CSMD1: variants seen among roughly 807,000 people sequenced by gnomAD.
The protein encoded by CSMD1 is CUB and sushi domain-containing protein 1.
Under a neutral mutation model 417.5 loss-of-function variants are expected in CSMD1, and 213 were observed. That is an observed-to-expected ratio of 0.51 (90% CI 0.46 to 0.57). The LOEUF is 0.57. CSMD1 is among the 20% of genes least tolerant of loss of function. CSMD1 has a pLI of 0.00. For synonymous variants in CSMD1, 2,862 were observed against 1,736.8 expected (o/e 1.65, Z -16.11); for missense variants, 6,923 against 4,529.7 (o/e 1.53, Z -15.17).
At chr8:3,261,318 A>G (rs7838785) in intron 26 of CSMD1, among the ~76,000 whole-genome samples, 118,497 of 152,050 alleles carry the variant, frequency 0.78, 46,752 homozygotes, top group Non-Finnish European at 0.84. Flanking sequence ...AGTTAAAAGC[A>G]AAACATTCAA....
At chr8:4,714,657 A>G (rs1235892292) in intron 1 of CSMD1, among the ~76,000 whole-genome samples, 1 of 152,122 alleles carries the variant, frequency 6.6e-6, no homozygotes, top group Non-Finnish European at 1.5e-5. Flanking sequence ...AGAAAGACAT[A>G]CTTGTCTTTA....
intron 11 of CSMD1, among the ~76,000 whole-genome samples, chr8:3,473,475 G>C (rs774085478): frequency 6.6e-6 from 1 of 151,980 alleles, no homozygotes; most frequent in Non-Finnish European, 1.5e-5. Context: ...TAAAACAAAA[G>C]AACTTTTGTT....
At chr8:3,814,826 T>C (rs1280761003) in intron 5 of CSMD1, among the ~76,000 whole-genome samples, 1 of 152,184 alleles carries the variant, frequency 6.6e-6, no homozygotes, top group Admixed American at 6.5e-5. Flanking sequence ...CCAACTCCAG[T>C]ACCATGAAGA....
At chr8:3,786,179 G>C (rs1039962899) in intron 5 of CSMD1, among the ~76,000 whole-genome samples, 1 of 152,146 alleles carries the variant, frequency 6.6e-6, no homozygotes, top group Non-Finnish European at 1.5e-5. Flanking sequence ...GGGCCAGATT[G>C]GGACATGAGA....
Position 3,779,284 on chromosome 8 carries a change from G to C in CSMD1, c.819-25242C>G, listed in dbSNP as rs1799053051. 2.0e-5 allele frequency among the ~76,000 whole-genome samples: 3 copies of C among 151,936 alleles called. No individual in the cohort carries two copies. In the South Asian group the frequency reaches 6.2e-4, roughly 31 times the overall value. On this transcript the variant is annotated intron_variant, in intron 5 of 69. Coordinates refer to ENST00000635120, the MANE Select transcript of CSMD1 (RefSeq NM_033225.6). Reference sequence around the variant, plus strand: ...ATTATCTGTTTGCTTGAGCTTTTATGAAACTAGGCTTGAACTTTTCTATTG... The same window carrying C: ...ATTATCTGTTTGCTTGAGCTTTTATCAAACTAGGCTTGAACTTTTCTATTG...
At chr8:3,878,735 AG>A (rs1483466050) in intron 5 of CSMD1, among the ~76,000 whole-genome samples, 2 of 152,160 alleles carry the variant, frequency 1.3e-5, no homozygotes, top group African/African-American at 4.8e-5. Context: ...GGGAAATATT[AG>A]ACCCTTGTAC....
At chr8:4,528,169 T>A (rs1353065112) in intron 2 of CSMD1, among the ~76,000 whole-genome samples, 1 of 152,230 alleles carries the variant, frequency 6.6e-6, no homozygotes, top group Non-Finnish European at 1.5e-5. Flanking sequence ...GTCCTTGTTT[T>A]TGACCTGTAT....
intron 3 of CSMD1, among the ~76,000 whole-genome samples, chr8:4,340,375 A>T (rs1364726626): frequency 1.3e-5 from 2 of 152,052 alleles, no homozygotes; most frequent in South Asian, 4.1e-4. Context: ...AAAAATGTAG[A>T]AAATAACACT....
At chr8:4,445,185 A>C (rs574561014) in intron 2 of CSMD1, among the ~76,000 whole-genome samples, 1 of 152,210 alleles carries the variant, frequency 6.6e-6, no homozygotes, top group Admixed American at 6.5e-5. Flanking sequence ...CCTTTTTTTT[A>C]ATGTGCAGAA....
intron 2 of CSMD1, among the ~76,000 whole-genome samples, chr8:4,541,141 A>G (rs1026251280): frequency 1.3e-5 from 2 of 152,094 alleles, no homozygotes; most frequent in African/African-American, 4.8e-5. Flanking sequence ...TTTACCACCA[A>G]TTTAAGCCAA....
intron 5 of CSMD1, among the ~76,000 whole-genome samples, chr8:3,847,174 C>G (rs1035724036): frequency 6.6e-6 from 1 of 152,044 alleles, no homozygotes; most frequent in Admixed American, 6.6e-5. Flanking sequence ...AATGCCTGAA[C>G]CTTACAGGTG....
intron 2 of CSMD1, among the ~76,000 whole-genome samples, chr8:4,443,133 A>C (rs1798579387): frequency 6.6e-6 from 1 of 152,198 alleles, no homozygotes; most frequent in Non-Finnish European, 1.5e-5. Context: ...TAGCTGGTAT[A>C]GCAACAGTAT....
intron 5 of CSMD1, among the ~76,000 whole-genome samples, chr8:3,837,763 G>T (rs1182748306): frequency 6.6e-6 from 1 of 151,690 alleles, no homozygotes; most frequent in Non-Finnish European, 1.5e-5. Flanking sequence ...CAGTTTATCA[G>T]TTCCATCTTT....
intron 7 of CSMD1, among the ~76,000 whole-genome samples, chr8:3,635,155 G>A (rs907138460): frequency 6.6e-6 from 1 of 152,100 alleles, no homozygotes; most frequent in Non-Finnish European, 1.5e-5. Context: ...TGCGTGTGAA[G>A]GCCAAGGACA....
chr8:3,507,960 C>A (rs1016905008), intron 10 of CSMD1, among the ~76,000 whole-genome samples: 2 of 152,124 alleles, frequency 1.3e-5, no homozygotes, highest in African/African-American at 4.8e-5. Context: ...TGTAGGTTGC[C>A]TGTTCACTCT....
At chr8:3,946,784 T>C (rs1811259220) in intron 5 of CSMD1, among the ~76,000 whole-genome samples, 1 of 152,174 alleles carries the variant, frequency 6.6e-6, no homozygotes, top group South Asian at 2.1e-4. Flanking sequence ...CTTGCATGTA[T>C]CTTCTTAAAT....
intron 11 of CSMD1, among the ~76,000 whole-genome samples, chr8:3,480,031 T>C (rs951142065): frequency 6.6e-6 from 1 of 152,142 alleles, no homozygotes; most frequent in Admixed American, 6.6e-5. Context: ...AATGGAATTC[T>C]CCTACACTAA....
chr8:3,092,902 C>T (rs1815044692), intron 47 of CSMD1, among the ~76,000 whole-genome samples: 1 of 151,900 alleles, frequency 6.6e-6, no homozygotes, highest in Non-Finnish European at 1.5e-5. Context: ...ATGCAGCTCT[C>T]ATTGTTGTTC....
At chr8:4,022,721 G>C (rs974562660) in intron 4 of CSMD1, among the ~76,000 whole-genome samples, 29 of 152,138 alleles carry the variant, frequency 1.9e-4, no homozygotes, top group African/African-American at 6.8e-4. Context: ...GTGGTGAAGT[G>C]ACAACTCACT....
Sources: gnomAD v4.1 joint callset for allele counts (sites outside exome capture counted in the v4.1 genomes callset) on GRCh38, gnomAD v4.1.1 for gene constraint, MANE v1.5 for transcripts, NCBI Gene and HGNC (gene_info 2026-07-23, HGNC 2026-07-21) for gene names.